Variants in KDM2B observed in about 807,000 individuals in gnomAD.
The protein encoded by KDM2B is lysine-specific demethylase 2B.
Under a neutral mutation model 150.0 loss-of-function variants are expected in KDM2B, and 26 were observed. The observed-to-expected ratio is 0.17, with a 90% CI of 0.13 to 0.24. The LOEUF is 0.24. KDM2B is among the 10% of genes least tolerant of loss of function. KDM2B has a pLI of 1.00. For synonymous variants in KDM2B, 734 were observed against 729.5 expected, an observed-to-expected ratio of 1.01 and a Z score of -0.10; for missense variants, 1,265 against 1,816.9, an observed-to-expected ratio of 0.70 and a Z score of 5.52.
chr12:121,567,889 C>T (rs896220212), intron 4 of KDM2B, among the ~76,000 whole-genome samples: 5 of 151,556 alleles, frequency 3.3e-5, no homozygotes, highest in Non-Finnish European at 5.9e-5. Flanking sequence ...CCACCAAGCC[C>T]GGCTAATTTT....
At chr12:121,500,003 G>A (rs953963271) in intron 11 of KDM2B, among the ~76,000 whole-genome samples, 14 of 151,762 alleles carry the variant, frequency 9.2e-5, no homozygotes, top group African/African-American at 3.4e-4. Flanking sequence ...TTCCCCAAGT[G>A]CCCTGAGCCC....
chr12:121,443,263 T>TCCCA (rs1555289100), intron 17 of KDM2B: 1 of 592,938 alleles, frequency 1.7e-6, no homozygotes, highest in African/African-American at 1.9e-5. Context: ...CCAACTGACC[T>TCCCA]CCCACCCCAC....
At chr12:121,553,555 T>G (rs1889675740) in intron 4 of KDM2B, among the ~76,000 whole-genome samples, 1 of 152,150 alleles carries the variant, frequency 6.6e-6, no homozygotes, top group Admixed American at 6.5e-5. Flanking sequence ...TTCTTCTTCA[T>G]CTATAACATG....
chr12:121,447,460 G>C (rs1175555043), intron 13 of KDM2B, among the ~76,000 whole-genome samples: 1 of 151,862 alleles, frequency 6.6e-6, no homozygotes, highest in Non-Finnish European at 1.5e-5. Flanking sequence ...GGTCAGGCTG[G>C]TCTCGGACTC....
At chr12:121,535,136 A>G (rs1676771317) in intron 6 of KDM2B, among the ~76,000 whole-genome samples, 1 of 152,042 alleles carries the variant, frequency 6.6e-6, no homozygotes, top group Non-Finnish European at 1.5e-5. Flanking sequence ...AGAAATGCAT[A>G]AGAATGCAGA....
chr12:121,419,384 G>C, the KDM2B span, among the ~76,000 whole-genome samples: 1 of 152,212 alleles, frequency 6.6e-6, no homozygotes, highest in Admixed American at 6.5e-5. Flanking sequence ...ACGTCTCCTA[G>C]TCGTCAAGCA....
At chr12:121,535,134 A>G (rs1201732352) in intron 6 of KDM2B, among the ~76,000 whole-genome samples, 3 of 152,162 alleles carry the variant, frequency 2.0e-5, no homozygotes, top group Admixed American at 6.6e-5. Flanking sequence ...AGAGAAATGC[A>G]TAAGAATGCA....
Position 121,525,275 on chromosome 12 carries a change from TTGTTTTTTTGAGACAGAGCCTTAC to T in KDM2B, c.932-4199_932-4176del, listed in dbSNP as rs1434385778. ...CTTTTGTTGTTGTTTTGTTGGGTTT[TTGTTTTTTTGAGACAGAGCCTTAC>T]TGTGTCACCCAGGCTGGAGTGCAGT... On this transcript the variant is annotated intron_variant, in intron 8 of 22. Transcript: ENST00000377071. Among the ~76,000 whole-genome samples, 5 of 152,260 alleles carry T rather than the reference TTGTTTTTTTGAGACAGAGCCTTAC, an allele frequency of 3.3e-5. No individual in the cohort carries two copies. The East Asian group carries it at 9.7e-4, about 29-fold the overall frequency.
intron 22 of KDM2B, among the ~76,000 whole-genome samples, chr12:121,437,790 C>T (rs1874253625): frequency 1.3e-5 from 2 of 152,192 alleles, no homozygotes; most frequent in Non-Finnish European, 2.9e-5. Flanking sequence ...CAACTGTCAT[C>T]TATTTTGTGG....
Position 121,549,442 on chromosome 12 carries a change from C to G in KDM2B, c.576+18G>C. 1 of 1,567,862 alleles carries G rather than the reference C, an allele frequency of 6.4e-7. No homozygotes were observed. Among genetic ancestry groups the G allele is most frequent in the Middle Eastern group, 1.7e-4 (1 of 5,864 alleles). ...AGGTGGAAGGTATCTGGGGAGGGTA[C>G]CTGGGCCCCGGACCTACCACAGTCG... On this transcript the variant is annotated intron_variant, in intron 5 of 22. Transcript: ENST00000377071. The surrounding 1 kb of genome is among the most constrained non-coding windows in gnomAD (Gnocchi z 4.4).
rs1877399524 is a variant in KDM2B at position 121,452,175 on chromosome 12, T to C, written c.1959+945A>G. Among the ~76,000 whole-genome samples, 1 of 151,976 alleles carries C rather than the reference T, an allele frequency of 6.6e-6. No homozygotes were observed. On this transcript the variant is annotated intron_variant, in intron 13 of 22. Transcript: ENST00000377071. The surrounding 1 kb of genome is among the most constrained non-coding windows in gnomAD (Gnocchi z 4.4). The stretch of plus-strand genomic sequence containing the variant: ...AGGGGAAAGGGGAGTAGAGCTTCAG[T>C]GGGTATGGAGTTTCAGTTTTGCAAA...
At chr12:121,456,318 A>G (rs1555292717) in intron 12 of KDM2B, among the ~76,000 whole-genome samples, 1 of 152,226 alleles carries the variant, frequency 6.6e-6, no homozygotes, top group East Asian at 1.9e-4. Flanking sequence ...GCAGAGAAGC[A>G]CGGCTACTTC....
intron 13 of KDM2B, among the ~76,000 whole-genome samples, chr12:121,448,878 C>A (rs1354322710): frequency 6.6e-6 from 1 of 152,186 alleles, no homozygotes; most frequent in African/African-American, 2.4e-5. Flanking sequence ...CCAAAGAAAA[C>A]ATGGAAAAAT....
At chr12:121,477,458 ACTACACCCTCC>A (rs1881506942) in intron 12 of KDM2B, among the ~76,000 whole-genome samples, 1 of 152,042 alleles carries the variant, frequency 6.6e-6, no homozygotes. Context: ...ATCACAGCCC[ACTACACCCTCC>A]AACTCCTGAG....
At chr12:121,418,313 C>T in the KDM2B span, 1 of 166,184 alleles carries the variant, frequency 6.0e-6, no homozygotes, top group Admixed American at 5.9e-5. Flanking sequence ...GCCCATTTGT[C>T]TTGCTACAGT....
chr12:121,473,351 C>A (rs1262636574), intron 12 of KDM2B, among the ~76,000 whole-genome samples: 3 of 148,726 alleles, frequency 2.0e-5, no homozygotes, highest in African/African-American at 7.4e-5. Flanking sequence ...GAGATGGCAC[C>A]ACTGCACTCC....
Position 121,452,649 on chromosome 12 carries a change from C to T in KDM2B, c.1959+471G>A, listed in dbSNP as rs1455208949. On this transcript the variant is annotated intron_variant, in intron 13 of 22. Transcript: ENST00000377071. This position sits in a 1 kb window ranked among gnomAD's most constrained non-coding sequence, Gnocchi z 4.4. The stretch of plus-strand genomic sequence containing the variant: ...TGGGGACGAGACCAGCGGCGCGGGG[C>T]CACTGCCGGAGCTGAGGCCAGGCGG... Among the ~76,000 whole-genome samples the T allele has an allele frequency of 2.0e-5, 3 of 152,362 alleles. No homozygotes were observed. The East Asian group carries it at 5.8e-4, about 29-fold the overall frequency.
intron 4 of KDM2B, among the ~76,000 whole-genome samples, chr12:121,559,511 CAG>C (rs1566418304): frequency 6.6e-6 from 1 of 152,000 alleles, no homozygotes; most frequent in Non-Finnish European, 1.5e-5. Flanking sequence ...ACAGACGTGA[CAG>C]AACACTACCC....
chr12:121,461,046 AC>A lies in KDM2B; in HGVS notation c.1735-7703del, dbSNP rs1224173510. On this transcript the variant is annotated intron_variant, in intron 12 of 22. Transcript: ENST00000377071. ...CCCAGGCAGTGGCTCTAAAGCCTGG[AC>A]CCTGGCATGCTAACCCAGAAGAGAT... Among the ~76,000 whole-genome samples the A allele has an allele frequency of 2.0e-5, 3 of 152,302 alleles. No individual in the cohort carries two copies. The East Asian group carries it at 5.8e-4, about 29-fold the overall frequency.
Sources: gnomAD v4.1 joint callset for allele counts (sites outside exome capture counted in the v4.1 genomes callset) on GRCh38, gnomAD v4.1.1 for gene constraint, Gnocchi (gnomAD v3.1) non-coding constraint, MANE v1.5 for transcripts, NCBI Gene and HGNC (gene_info 2026-07-23, HGNC 2026-07-21) for gene names.